KCNQ5: variants seen among roughly 807,000 people sequenced by gnomAD.
KCNQ5 encodes the protein potassium voltage-gated channel subfamily Q member 5.
Under a neutral mutation model 98.2 loss-of-function variants are expected in KCNQ5, and 30 were observed. The ratio of observed to expected loss-of-function variants is 0.31; its 90% CI spans 0.23 to 0.41. KCNQ5 has a LOEUF of 0.41. Among genes scored for constraint, KCNQ5 ranks in the 10% least tolerant of loss-of-function variants. KCNQ5 has a pLI of 1.00. For missense variants in KCNQ5, 835 were observed against 1,182.5 expected (o/e 0.71, Z 4.31); for synonymous variants, 458 against 449.4 (o/e 1.02, Z -0.24).
At position 73,192,619 on chromosome 6, in the gene KCNQ5, G is replaced by T. The variant is rs1365229283; in HGVS notation, c.1764G>T (p.Glu588Asp). The T allele has an allele frequency of 6.2e-7, 1 of 1,612,360 alleles. No homozygotes were observed. The highest frequency in any genetic ancestry group is 1.3e-5 in the African/African-American group (1 of 74,922). ...TCACATCAGATAAGAAGAGCCGAGA[G>T]AAAATAACAGCAGAACATGAGACCA... Reference protein sequence around the residue: ...GQITSDKKSREKITAEHETTD... With the variant: ...GQITSDKKSRDKITAEHETTD... Residue 588 changes from glutamate to aspartate, a missense_variant, in exon 13 of 14, where the codon GAG becomes GAT. Physicochemically the swap from Glu to Asp is conservative, Grantham distance 45 (BLOSUM62 2). Coordinates refer to ENST00000370398, the MANE Select transcript of KCNQ5 (RefSeq NM_019842.4).
chr6:72,818,222 A>G (rs926652772), intron 1 of KCNQ5, among the ~76,000 whole-genome samples: 4 of 152,186 alleles, frequency 2.6e-5, no homozygotes, highest in Non-Finnish European at 5.9e-5. Flanking sequence ...TGATTAATAA[A>G]AAGGAAATTT....
Position 72,740,125 on chromosome 6 carries a change from T to A in KCNQ5, c.398+117538T>A, listed in dbSNP as rs115630217. Among the ~76,000 whole-genome samples, 548 of 152,344 alleles carry A rather than the reference T, an allele frequency of 3.6e-3. 5 individuals are homozygous for A. The highest frequency in any genetic ancestry group is 0.013 in the African/African-American group (533 of 41,580). ...GTAATCCCCTAGGCTTCTCAATAAGTTTCAGTGTCTTCCCTGGATAGTGAC... is the reference window on the plus strand; with the variant it reads ...GTAATCCCCTAGGCTTCTCAATAAGATTCAGTGTCTTCCCTGGATAGTGAC... On this transcript the variant is annotated intron_variant, in intron 1 of 13. Transcript: ENST00000370398.
At chr6:73,040,226 C>A (rs1385723000) in intron 2 of KCNQ5, among the ~76,000 whole-genome samples, 1 of 152,194 alleles carries the variant, frequency 6.6e-6, no homozygotes, top group Non-Finnish European at 1.5e-5. Context: ...AGAAAAATTA[C>A]TACACGGTAG....
intron 1 of KCNQ5, among the ~76,000 whole-genome samples, chr6:72,632,201 G>C (rs1477218587): frequency 6.9e-6 from 1 of 145,936 alleles, no homozygotes; most frequent in Non-Finnish European, 1.5e-5. Flanking sequence ...TCGGTGGCGC[G>C]ATCCCCGCTC....
chr6:72,886,545 C>T (rs1305263006), intron 1 of KCNQ5, among the ~76,000 whole-genome samples: 4 of 151,736 alleles, frequency 2.6e-5, no homozygotes, highest in Non-Finnish European at 5.9e-5. Context: ...AAGAAATTTC[C>T]AGAATTGAAG....
At chr6:72,814,347 G>T (rs1775395070) in intron 1 of KCNQ5, among the ~76,000 whole-genome samples, 1 of 152,114 alleles carries the variant, frequency 6.6e-6, no homozygotes, top group African/African-American at 2.4e-5. Context: ...CTTACTAATT[G>T]TGTAACCTTA....
chr6:73,075,372 G>A (rs1043667807), intron 3 of KCNQ5, among the ~76,000 whole-genome samples: 4 of 151,920 alleles, frequency 2.6e-5, no homozygotes, highest in Admixed American at 2.0e-4. Context: ...ACAGGCACGT[G>A]CCACCACACC....
chr6:72,704,906 C>G (rs759718852), intron 1 of KCNQ5, among the ~76,000 whole-genome samples: 1 of 152,064 alleles, frequency 6.6e-6, no homozygotes, highest in Non-Finnish European at 1.5e-5. Flanking sequence ...GTTATGCCCC[C>G]CTCAGTTCAG....
rs754713797 is a variant in KCNQ5 at position 73,133,945 on chromosome 6, G to A, written c.1468+304G>A. On this transcript the variant is annotated intron_variant, in intron 10 of 13. Coordinates refer to ENST00000370398, the MANE Select transcript of KCNQ5 (RefSeq NM_019842.4). ...GACAAGGGCCACATTAAGATCAATG[G>A]GACTGTCATTCTGATGTATTTGTGA... 1.4e-5 allele frequency: 7 copies of A among 516,840 alleles called. No individual in the cohort carries two copies. The highest frequency in any genetic ancestry group is 1.9e-5 in the Non-Finnish European group (5 of 257,458). The allele number at this position is 516,840 out of a possible 1,614,324, so 32.0% of individuals were successfully genotyped here. A position where few individuals can be genotyped will look rare whatever the true frequency, so the allele number is the denominator to read the frequency against.
Position 73,190,696 on chromosome 6 carries a change from T to G in KCNQ5, c.1701T>G (p.Leu567=), listed in dbSNP as rs1765562037. Residue 567 remains leucine, a synonymous_variant, in exon 12 of 14, where the codon CTT becomes CTG. Transcript: ENST00000370398. ...HLDMLCRIKS[L]QTRVDQILGK... Reference sequence around the variant, plus strand: ...ACATGTTGTGTAGAATTAAAAGCCTTCAAACACGGTAAGCAATGGAAATGT... The same window carrying G: ...ACATGTTGTGTAGAATTAAAAGCCTGCAAACACGGTAAGCAATGGAAATGT... The G allele has an allele frequency of 6.4e-7, 1 of 1,564,108 alleles. No individual in the cohort carries two copies. The highest frequency in any genetic ancestry group is 1.8e-5 in the Admixed American group (1 of 54,854).
chr6:72,646,040 G>T (rs1050952174), intron 1 of KCNQ5, among the ~76,000 whole-genome samples: 4 of 152,050 alleles, frequency 2.6e-5, no homozygotes, highest in African/African-American at 4.8e-5. Context: ...TCAAGAAAAT[G>T]ATGTATAAGG....
chr6:72,685,581 T>C (rs971017005), intron 1 of KCNQ5, among the ~76,000 whole-genome samples: 3 of 152,232 alleles, frequency 2.0e-5, no homozygotes, highest in African/African-American at 4.8e-5. Context: ...TGTAAGTTTT[T>C]GTTTTTTTCA....
chr6:72,798,745 T>C (rs1317860206), intron 1 of KCNQ5, among the ~76,000 whole-genome samples: 2 of 152,182 alleles, frequency 1.3e-5, no homozygotes, highest in South Asian at 2.1e-4. Flanking sequence ...CAGAATGGGA[T>C]TGATCAAGCC....
intron 10 of KCNQ5, chr6:73,136,595 A>C (rs922948990): frequency 6.6e-6 from 1 of 152,188 alleles, no homozygotes; most frequent in African/African-American, 2.4e-5. Context: ...CAGAGGACCA[A>C]TTGCTGTTCT....
intron 1 of KCNQ5, among the ~76,000 whole-genome samples, chr6:72,932,728 C>T (rs1376529709): frequency 6.6e-6 from 1 of 152,124 alleles, no homozygotes; most frequent in African/African-American, 2.4e-5. Context: ...TGTCCTACAT[C>T]ATCTCATATA....
chr6:73,173,580 G>T (rs1394322168), intron 11 of KCNQ5, among the ~76,000 whole-genome samples: 1 of 152,090 alleles, frequency 6.6e-6, no homozygotes, highest in African/African-American at 2.4e-5. Flanking sequence ...GCTAGTACTT[G>T]GCTTTGTAGT....
intron 1 of KCNQ5, among the ~76,000 whole-genome samples, chr6:72,656,194 C>T (rs974137271): frequency 2.6e-5 from 4 of 152,126 alleles, no homozygotes; most frequent in African/African-American, 4.8e-5. Flanking sequence ...TTGTCCTGGA[C>T]GCTCATGCAG....
At chr6:72,755,549 C>T (rs1264882042) in intron 1 of KCNQ5, among the ~76,000 whole-genome samples, 2 of 152,026 alleles carry the variant, frequency 1.3e-5, no homozygotes, top group Non-Finnish European at 2.9e-5. Flanking sequence ...CAGTAAATAT[C>T]TTTAAGCTAT....
At chr6:72,838,841 T>G (rs915227450) in intron 1 of KCNQ5, among the ~76,000 whole-genome samples, 8 of 147,716 alleles carry the variant, frequency 5.4e-5, no homozygotes, top group African/African-American at 1.7e-4. Context: ...TCCCAGCTAC[T>G]CGGGAGGCTG....
Sources: gnomAD v4.1 joint callset for allele counts (sites outside exome capture counted in the v4.1 genomes callset) on GRCh38, gnomAD v4.1.1 for gene constraint, MANE v1.5 for transcripts, NCBI Gene and HGNC (gene_info 2026-07-23, HGNC 2026-07-21) for gene names.